Variants in TMTC3 observed in about 807,000 individuals in gnomAD.
TMTC3 encodes the protein protein O-mannosyl-transferase TMTC3.
A neutral mutation model predicts 92.2 loss-of-function variants in TMTC3; 52 were observed. That is an observed-to-expected ratio of 0.56 (90% CI 0.45 to 0.71). TMTC3 has a LOEUF of 0.71. Ranked by LOEUF, TMTC3 falls within the 30% of genes least tolerant of loss-of-function variation. The probability of loss-of-function intolerance (pLI) is 0.00; values close to 1 mark genes in which losing one functional copy is unlikely to be tolerated. For missense variants in TMTC3, 896 were observed against 1,057.1 expected, an observed-to-expected ratio of 0.85 and a Z score of 2.11; for synonymous variants, 339 against 363.3, an observed-to-expected ratio of 0.93 and a Z score of 0.76.
intron 6 of TMTC3, among the ~76,000 whole-genome samples, chr12:88,161,577 A>G (rs1256165548): frequency 6.6e-6 from 1 of 151,876 alleles, no homozygotes; most frequent in Admixed American, 6.6e-5. Context: ...TTTGATGGAA[A>G]TCTTTCATCT....
intron 4 of TMTC3, among the ~76,000 whole-genome samples, 161 bp downstream of exon 4, chr12:88,154,548 CAT>C (rs1470360214): frequency 6.6e-6 from 1 of 151,990 alleles, no homozygotes; most frequent in African/African-American, 2.4e-5. Context: ...AAATATGTAA[CAT>C]TGCTAGTATT....
Position 88,166,335 on chromosome 12 carries a change from A to G in TMTC3, c.803A>G (p.Asp268Gly). Residue 268 changes from aspartate (D) to glycine (G), a missense_variant, in exon 7 of 14, where the codon GAT becomes GGT. Asp to Gly is a moderately conservative substitution (Grantham distance 94). Transcript: ENST00000266712. ...QSQLPVFTRFDNPAAVSPTPT... is the reference protein window; with the variant it reads ...QSQLPVFTRFGNPAAVSPTPT... ...TTTTTTAATCCTTTATACAGGTTTG[A>G]TAACCCAGCTGCTGTAAGCCCAACT... The G allele has an allele frequency of 6.2e-7, 1 of 1,613,268 alleles. No individual in the cohort carries two copies. The highest frequency in any genetic ancestry group is 8.5e-7 in the Non-Finnish European group (1 of 1,179,662).
chr12:88,151,089 A>G (rs746603301), intron 2 of TMTC3, among the ~76,000 whole-genome samples: 6 of 150,178 alleles, frequency 4.0e-5, no homozygotes, highest in Non-Finnish European at 8.8e-5. Flanking sequence ...GTTATTTCAG[A>G]TAATCTCAGA....
At chr12:88,188,627 A>AAG (rs2041405464) in intron 10 of TMTC3, among the ~76,000 whole-genome samples, 1 of 152,184 alleles carries the variant, frequency 6.6e-6, no homozygotes, top group East Asian at 1.9e-4. Context: ...ATTGGTTTTA[A>AAG]GTTATAACAA....
intron 10 of TMTC3, among the ~76,000 whole-genome samples, chr12:88,187,540 G>T (rs1261563333): frequency 6.6e-6 from 1 of 151,792 alleles, no homozygotes; most frequent in Admixed American, 6.6e-5. Context: ...GACCCCTCCT[G>T]GCTCCATGAG....
rs200635599 is a variant in TMTC3, at chr12:88,194,878, A to G, written c.1974A>G (p.Leu658=). 2 of 1,610,746 alleles carry G rather than the reference A, an allele frequency of 1.2e-6. No individual in the cohort carries two copies. The highest frequency in any genetic ancestry group is 1.7e-6 in the Non-Finnish European group (2 of 1,178,944). The change falls in exon 14 of 14, where the codon CTA becomes CTG. Residue 658 remains leucine, a synonymous_variant. Coordinates refer to ENST00000266712, the MANE Select transcript of TMTC3 (RefSeq NM_181783.4). ...GACCTGAAGCTAGAAAACGACTTCT[A>G]AGTTATATAAATGAAGAGCCACTAG... ...KLRPEARKRL[L]SYINEEPLDA...
At chr12:88,156,187 TTCTC>T (rs1326248190) in intron 4 of TMTC3, among the ~76,000 whole-genome samples, 1 of 152,360 alleles carries the variant, frequency 6.6e-6, no homozygotes, top group African/African-American at 2.4e-5. Context: ...ATTATGTTTG[TTCTC>T]TCTGTTTTAT....
chr12:88,193,466 C>A (rs983220033), intron 13 of TMTC3, among the ~76,000 whole-genome samples: 1 of 151,854 alleles, frequency 6.6e-6, no homozygotes, highest in Admixed American at 6.6e-5. Flanking sequence ...TTAGAAAAAT[C>A]TATTATAATG....
rs756391292 is a variant in TMTC3 at position 88,154,272 on chromosome 12, C to T, written c.409-16C>T. On this transcript the variant is annotated splice_polypyrimidine_tract_variant and intron_variant, in intron 3 of 13. Coordinates refer to ENST00000266712, the MANE Select transcript of TMTC3 (RefSeq NM_181783.4). ...ATTCTTTATTAATATGAACCCCCTT[C>T]ATTTTTCCTTTCTAGGTAACAGGAG... 6.4e-7 allele frequency: 1 copy of T among 1,553,288 alleles called. No individual in the cohort carries two copies. The highest frequency in any genetic ancestry group is 8.8e-7 in the Non-Finnish European group (1 of 1,138,374).
Position 88,160,114 on chromosome 12 carries a change from T to C in TMTC3, c.509T>C (p.Ile170Thr). Residue 170 changes from isoleucine (I) to threonine (T), a missense_variant and splice_region_variant, in exon 5 of 14, where the codon ATA (isoleucine) becomes ACA (threonine). By Grantham distance (89) the Ile-to-Thr change is moderately conservative. Transcript: ENST00000266712. ...TRSKGPDNSI[I>T]WTPIALTVFL... Reference sequence around the variant, plus strand: ...TATATTTTCTGTTCTCAAATTGCAGTATGGACTCCAATTGCCTTGACAGTG... The same window carrying C: ...TATATTTTCTGTTCTCAAATTGCAGCATGGACTCCAATTGCCTTGACAGTG... 1 of 1,560,028 alleles carries C rather than the reference T, an allele frequency of 6.4e-7. No homozygotes were observed. The highest frequency in any genetic ancestry group is 8.7e-7 in the Non-Finnish European group (1 of 1,154,736).
chr12:88,188,739 C>T, intron 10 of TMTC3, 104 bp from the exon 11 acceptor site: 1 of 585,734 alleles, frequency 1.7e-6, no homozygotes, highest in Non-Finnish European at 2.9e-6. Flanking sequence ...TCATTAGTTA[C>T]ATTGAATACT....
rs760443502 is a variant in TMTC3 at position 88,153,404 on chromosome 12, T to G, written c.303T>G (p.Ala101=). 1.2e-6 allele frequency: 2 copies of G among 1,613,392 alleles called. No individual in the cohort carries two copies. Among genetic ancestry groups the G allele is most frequent in the Admixed American group, 3.3e-5 (2 of 60,012 alleles). Residue 101 remains alanine (A), a synonymous_variant, in exon 3 of 14, where the codon GCT becomes GCG. Coordinates refer to ENST00000266712, the MANE Select transcript of TMTC3 (RefSeq NM_181783.4). The stretch of plus-strand genomic sequence containing the variant: ...ATCTCCTGAATATGATTTTTCATGC[T>G]GTGGTTAGTGTGATATTTCTCAAAG... ...SYHLLNMIFH[A]VVSVIFLKVC... is the part of the protein sequence containing the mutation.
In TMTC3 at chr12:88,154,267, C is replaced by A. The variant is rs1238495736; in HGVS notation, c.409-21C>A. The A allele has an allele frequency of 2.0e-6, 3 of 1,492,578 alleles. No individual in the cohort carries two copies. The Admixed American group carries it at 5.5e-5, about 27-fold the overall frequency. The allele number at this position is 1,492,578 out of a possible 1,614,324, so 92.5% of individuals were successfully genotyped here. A position where few individuals can be genotyped will look rare whatever the true frequency, so the allele number is the denominator to read the frequency against. On this transcript the variant is annotated intron_variant, in intron 3 of 13. Transcript: ENST00000266712. ...AAGATATTCTTTATTAATATGAACC[C>A]CCTTCATTTTTCCTTTCTAGGTAAC...
Position 88,192,704 on chromosome 12 carries a change from T to C in TMTC3, c.1807T>C (p.Leu603=), listed in dbSNP as rs2041457896. ...AAATAATGCAGATCTTTGGTACAAC[T>C]TGGCAATTGTACATATTGAACTTAA... ...DRNNADLWYN[L]AIVHIELKEP... Residue 603 remains leucine, a synonymous_variant, in exon 13 of 14, where the codon TTG becomes CTG. Transcript: ENST00000266712. 1 of 1,613,578 alleles carries C rather than the reference T, an allele frequency of 6.2e-7. No homozygotes were observed. The highest frequency in any genetic ancestry group is 8.5e-7 in the Non-Finnish European group (1 of 1,179,688).
At chr12:88,170,511 A>G (rs1476816012) in intron 7 of TMTC3, among the ~76,000 whole-genome samples, 1 of 152,178 alleles carries the variant, frequency 6.6e-6, no homozygotes, top group East Asian at 1.9e-4. Flanking sequence ...AGACCTATAA[A>G]TTGGTATGAT....
At chr12:88,193,539 G>A (rs975743074) in intron 13 of TMTC3, among the ~76,000 whole-genome samples, 8 of 152,026 alleles carry the variant, frequency 5.3e-5, no homozygotes, top group African/African-American at 9.7e-5. Context: ...TCATAAAGTC[G>A]TAGTATTTTA....
intron 6 of TMTC3, among the ~76,000 whole-genome samples, chr12:88,163,711 T>C (rs569920937): frequency 6.6e-6 from 1 of 152,276 alleles, no homozygotes; most frequent in South Asian, 2.1e-4. Context: ...CTTCTCTTTT[T>C]ATGAGGACCC....
At chr12:88,178,649 TC>T (rs1211009649) in intron 10 of TMTC3, among the ~76,000 whole-genome samples, 1 of 152,128 alleles carries the variant, frequency 6.6e-6, no homozygotes, top group Non-Finnish European at 1.5e-5. Flanking sequence ...TCAAGTAGGG[TC>T]CTATACGCAG....
At chr12:88,194,700 G>C in intron 13 of TMTC3, 138 bp from the exon 14 acceptor site, 1 of 568,746 alleles carries the variant, frequency 1.8e-6, no homozygotes, top group Non-Finnish European at 2.7e-6. Context: ...CGAGATTTTT[G>C]CTTTCTACTT....
Sources: gnomAD v4.1 joint callset for allele counts (sites outside exome capture counted in the v4.1 genomes callset) on GRCh38, gnomAD v4.1.1 for gene constraint, MANE v1.5 for transcripts, NCBI Gene and HGNC (gene_info 2026-07-23, HGNC 2026-07-21) for gene names.